ZNF608: variants seen among roughly 807,000 people sequenced by gnomAD.
ZNF608 encodes renal carcinoma antigen NY-REN-36.
A neutral mutation model predicts 109.0 loss-of-function variants in ZNF608; 12 were observed. The ratio of observed to expected loss-of-function variants is 0.11; its 90% CI spans 0.07 to 0.18. ZNF608 has a LOEUF of 0.18. Ranked by LOEUF, ZNF608 falls within the 10% of genes least tolerant of loss-of-function variation. The pLI is 1.00. For synonymous variants in ZNF608, 732 were observed against 717.4 expected (o/e 1.02, Z -0.33); for missense variants, 1,707 against 1,879.3 (o/e 0.91, Z 1.70).
rs908100412 is a variant in ZNF608, at chr5:124,637,800, T to C, written c.*100A>G. 4.8e-5 allele frequency: 60 copies of C among 1,255,694 alleles called. No homozygotes were observed. Among genetic ancestry groups the C allele is most frequent in the Non-Finnish European group, 6.6e-5 (59 of 894,290 alleles). 77.8% of individuals were successfully genotyped at this position (1,255,694 alleles called of 1,614,324 possible). The stretch of plus-strand genomic sequence containing the variant: ...AAAAATGAAATGACTGGTTTTTGCC[T>C]GCCATTAAGGCATTTCAAATTAACA... On this transcript the variant is annotated 3_prime_UTR_variant, in exon 10 of 10. Coordinates refer to ENST00000513986, the MANE Select transcript of ZNF608 (RefSeq NM_020747.3).
intron 8 of ZNF608, among the ~76,000 whole-genome samples, chr5:124,639,707 A>G (rs1580513047): frequency 6.6e-6 from 1 of 152,348 alleles, no homozygotes; most frequent in African/African-American, 2.4e-5. Flanking sequence ...CTTAACTTTC[A>G]CCCTGCAAGA....
chr5:124,646,667 C>T lies in ZNF608; in HGVS notation c.3705+12G>A. On this transcript the variant is annotated intron_variant, in intron 5 of 9. Transcript: ENST00000513986. ...GCTCTCTCCCTGTTGGGGCCACGCT[C>T]CACAATCTTACTTGTTTAAATCTCG... The T allele has an allele frequency of 6.2e-7, 1 of 1,604,896 alleles. No homozygotes were observed. The highest frequency in any genetic ancestry group is 8.5e-7 in the Non-Finnish European group (1 of 1,173,358).
At chr5:124,687,481 G>C (rs1752451766) in intron 3 of ZNF608, among the ~76,000 whole-genome samples, 1 of 152,038 alleles carries the variant, frequency 6.6e-6, no homozygotes. Flanking sequence ...AATATCTATG[G>C]GTATAATGTG....
chr5:124,684,137 C>T (rs1752308837), intron 3 of ZNF608, among the ~76,000 whole-genome samples: 1 of 152,208 alleles, frequency 6.6e-6, no homozygotes. Flanking sequence ...TGGCTAATGC[C>T]ATCAGGGCTG....
intron 3 of ZNF608, among the ~76,000 whole-genome samples, chr5:124,666,036 C>T (rs1391384478): frequency 1.3e-5 from 2 of 152,148 alleles, no homozygotes; most frequent in African/African-American, 2.4e-5. Context: ...TACGTTTGTG[C>T]GTACTAGGTT....
chr5:124,737,352 G>A (rs749887559), intron 2 of ZNF608, among the ~76,000 whole-genome samples: 4 of 152,300 alleles, frequency 2.6e-5, no homozygotes, highest in South Asian at 4.1e-4. Flanking sequence ...CAGTAGTTGG[G>A]TTGGAATAGT....
intron 3 of ZNF608, among the ~76,000 whole-genome samples, chr5:124,653,754 A>G (rs1750892159): frequency 6.6e-6 from 1 of 152,174 alleles, no homozygotes. Flanking sequence ...GGGAATCTGA[A>G]TGAGAAATAT....
chr5:124,681,646 G>A (rs1561556259), intron 3 of ZNF608, among the ~76,000 whole-genome samples: 1 of 152,132 alleles, frequency 6.6e-6, no homozygotes. Flanking sequence ...CTATTTGAAA[G>A]CCTGAGGCAG....
At chr5:124,646,573 T>A in intron 5 of ZNF608, 106 bp downstream of exon 5, 1 of 1,380,166 alleles carries the variant, frequency 7.2e-7, no homozygotes, top group Non-Finnish European at 9.7e-7. Context: ...AAAACTAATA[T>A]GGGTTTCTTT....
At chr5:124,658,002 A>G (rs1259496627) in intron 3 of ZNF608, among the ~76,000 whole-genome samples, 1 of 152,232 alleles carries the variant, frequency 6.6e-6, no homozygotes, top group Non-Finnish European at 1.5e-5. Flanking sequence ...AAAATAAAAT[A>G]AAATATATGT....
Position 124,638,833 on chromosome 5 carries a change from T to C in ZNF608, c.4532+300A>G, listed in dbSNP as rs75240044. On this transcript the variant is annotated intron_variant, in intron 9 of 9. Transcript: ENST00000513986. ...CCATTTGCGACTTTATCTTTAAACA[T>C]AATAAAACAAAGGGAGTCATGGTGA... is the stretch of plus-strand genomic sequence containing the variant. 35 of 1,136,458 alleles carry C rather than the reference T, an allele frequency of 3.1e-5. No individual in the cohort carries two copies. The East Asian group carries it at 1.7e-3, about 54-fold the overall frequency. The allele number at this position is 1,136,458 out of a possible 1,614,324, so 70.4% of individuals were successfully genotyped here.
chr5:124,697,270 CA>C (rs1752888292), intron 3 of ZNF608, among the ~76,000 whole-genome samples: 1 of 144,948 alleles, frequency 6.9e-6, no homozygotes, highest in Admixed American at 6.9e-5. Context: ...CAATAAAAAT[CA>C]AAAGGAAACA....
chr5:124,721,690 C>G (rs1753909943), intron 2 of ZNF608, among the ~76,000 whole-genome samples: 1 of 151,954 alleles, frequency 6.6e-6, no homozygotes, highest in Non-Finnish European at 1.5e-5. Flanking sequence ...AATCTCAACA[C>G]TTTGGGAGGC....
rs750883231 is a variant in ZNF608, at chr5:124,647,886, T to A, written c.2498A>T (p.Asp833Val). The A allele has an allele frequency of 3.7e-6, 6 of 1,614,216 alleles. No homozygotes were observed. Among genetic ancestry groups the A allele is most frequent in the Admixed American group, 1.7e-5 (1 of 60,032 alleles). Residue 833 changes from aspartate to valine, a missense_variant, in exon 5 of 10, where the codon GAT (aspartate) becomes GTT (valine). Asp to Val is a radical substitution (Grantham distance 152, BLOSUM62 -3). Coordinates refer to ENST00000513986, the MANE Select transcript of ZNF608 (RefSeq NM_020747.3). ...EGKETGSPKMDAKLGKLEDSK... is the reference protein window; with the variant it reads ...EGKETGSPKMVAKLGKLEDSK... ...GTCCTCTAGTTTCCCCAGCTTGGCA[T>A]CCATTTTTGGGCTTCCCGTCTCTTT...
chr5:124,715,221 C>A (rs549808277), intron 2 of ZNF608, among the ~76,000 whole-genome samples: 146 of 152,112 alleles, frequency 9.6e-4, no homozygotes, highest in African/African-American at 3.3e-3. Context: ...TGTTATTAAC[C>A]ATTTATTCTT....
At chr5:124,684,312 G>T (rs1158763673) in intron 3 of ZNF608, among the ~76,000 whole-genome samples, 1 of 152,116 alleles carries the variant, frequency 6.6e-6, no homozygotes, top group East Asian at 1.9e-4. Flanking sequence ...ATCTTCAAGA[G>T]ATTATTATGT....
intron 2 of ZNF608, among the ~76,000 whole-genome samples, chr5:124,742,278 G>A (rs1395702084): frequency 6.6e-6 from 1 of 152,160 alleles, no homozygotes; most frequent in Non-Finnish European, 1.5e-5. Context: ...TGTTCCGATT[G>A]CCAGCTAAAC....
chr5:124,649,050 G>C lies in ZNF608; in HGVS notation c.1334C>G (p.Pro445Arg). 1 of 1,614,008 alleles carries C rather than the reference G, an allele frequency of 6.2e-7. No individual in the cohort carries two copies. The highest frequency in any genetic ancestry group is 1.1e-5 in the South Asian group (1 of 91,064). The stretch of plus-strand genomic sequence containing the variant: ...CTCTGTGAAGCTGGCCTCGGAGCCC[G>C]GGGCAGCAGCAGCAGACCTCGCTCT... ...GKRARSAAAA[P>R]GSEASFTESR... is the part of the protein sequence containing the mutation. The change falls in exon 5 of 10, where the codon CCG becomes CGG. Residue 445 changes from proline to arginine, a missense_variant. This residue lies in a region of ZNF608 where 166 missense variants were observed against 204.2 expected (regional missense o/e 0.81). Coordinates refer to ENST00000513986, the MANE Select transcript of ZNF608 (RefSeq NM_020747.3).
intron 3 of ZNF608, among the ~76,000 whole-genome samples, chr5:124,693,269 A>G (rs1016036533): frequency 2.0e-5 from 3 of 152,156 alleles, no homozygotes; most frequent in African/African-American, 7.2e-5. Context: ...CAATGAGACC[A>G]TCTCCATTTT....
Sources: allele counts gnomAD v4.1 joint callset (sites outside exome capture counted in the v4.1 genomes callset), GRCh38; gene constraint gnomAD v4.1.1; regional missense constraint gnomAD v4.1.1; transcripts MANE v1.5; gene names NCBI Gene and HGNC (gene_info 2026-07-23, HGNC 2026-07-21).